The following PAK5 variants were observed in gnomAD, a reference collection of about 807,000 sequenced individuals.
PAK5 encodes p21 (RAC1) activated kinase 5.
PAK5 carries 16 observed loss-of-function variants against 65.9 expected under a neutral mutation model. That is an observed-to-expected ratio of 0.24 (90% CI 0.16 to 0.37). The LOEUF (loss-of-function observed/expected upper bound fraction) is 0.37, where lower values mean the gene tolerates loss of function less well. Among genes scored for constraint, PAK5 ranks in the 10% least tolerant of loss-of-function variants. PAK5 has a pLI of 1.00. For missense variants in PAK5, 785 were observed against 903.9 expected, an observed-to-expected ratio of 0.87 and a Z score of 1.69; for synonymous variants, 371 against 354.9, an observed-to-expected ratio of 1.05 and a Z score of -0.51.
rs2046843683 is a variant in PAK5 at position 9,626,354 on chromosome 20, C to T, written c.204+17771G>A. ...CCATATGCCAAGGTACCCCAGGGAA[C>T]TAACTGCAGCGAACTTACAATGCTG... On this transcript the variant is annotated intron_variant, in intron 3 of 9. Transcript: ENST00000353224. 2.0e-5 allele frequency among the ~76,000 whole-genome samples: 3 copies of T among 152,206 alleles called. No individual in the cohort carries two copies. In the South Asian group the frequency reaches 6.2e-4, roughly 32 times the overall value.
Position 9,569,679 on chromosome 20 carries a change from C to T in PAK5, c.991-3295G>A, listed in dbSNP as rs375976512. Among the ~76,000 whole-genome samples, 8 of 152,216 alleles carry T rather than the reference C, an allele frequency of 5.3e-5. No homozygotes were observed. In the East Asian group the frequency reaches 5.8e-4, roughly 11 times the overall value. The stretch of plus-strand genomic sequence containing the variant: ...GGTGTTTCAAGCTCCTGCCCCACCA[C>T]GATGCATAAGAAGGTAGTCATTCTA... On this transcript the variant is annotated intron_variant, in intron 4 of 9. Coordinates refer to ENST00000353224, the MANE Select transcript of PAK5 (RefSeq NM_177990.4).
intron 2 of PAK5, among the ~76,000 whole-genome samples, chr20:9,692,762 T>G (rs993314803): frequency 1.7e-4 from 26 of 152,118 alleles, no homozygotes; most frequent in Non-Finnish European, 2.9e-4. Flanking sequence ...GGAGGAAGGA[T>G]GTTATCCTAG....
At chr20:9,807,217 T>C (rs2049243453) in intron 1 of PAK5, among the ~76,000 whole-genome samples, 1 of 152,192 alleles carries the variant, frequency 6.6e-6, no homozygotes, top group Non-Finnish European at 1.5e-5. Flanking sequence ...GTTCTGGGGA[T>C]TGAGATGTAG....
intron 1 of PAK5, among the ~76,000 whole-genome samples, chr20:9,762,972 A>G (rs2048716774): frequency 1.3e-5 from 2 of 152,168 alleles, no homozygotes; most frequent in Admixed American, 1.3e-4. Context: ...AACAACATGG[A>G]TGAATCTAGA....
chr20:9,555,774 T>A (rs117780597), intron 7 of PAK5, among the ~76,000 whole-genome samples: 3,159 of 152,280 alleles, frequency 0.021, 51 homozygotes, highest in Non-Finnish European at 0.029. Context: ...AAATATAATA[T>A]AAGCACAGGA....
At chr20:9,746,641 T>C (rs2048511761) in intron 1 of PAK5, among the ~76,000 whole-genome samples, 1 of 152,144 alleles carries the variant, frequency 6.6e-6, no homozygotes, top group South Asian at 2.1e-4. Context: ...GCCACAGTGT[T>C]ATGAGCACCT....
chr20:9,662,875 G>T (rs946614640), intron 2 of PAK5, among the ~76,000 whole-genome samples: 2 of 152,058 alleles, frequency 1.3e-5, no homozygotes, highest in African/African-American at 4.8e-5. Context: ...CTTGCCTAAG[G>T]TCACTCAGCT....
At chr20:9,642,896 A>T (rs2047088227) in intron 3 of PAK5, among the ~76,000 whole-genome samples, 1 of 152,234 alleles carries the variant, frequency 6.6e-6, no homozygotes, top group Non-Finnish European at 1.5e-5. Context: ...ATGCAGAATT[A>T]TAAGACTCTG....
rs1013658968 is a variant in PAK5 at position 9,838,189 on chromosome 20, G to GCA, written c.-162+571_-162+572dup. Among the ~76,000 whole-genome samples, 1 of 130,792 alleles carries GCA rather than the reference G, an allele frequency of 7.6e-6. No homozygotes were observed. Among genetic ancestry groups the GCA allele is most frequent in the Admixed American group, 7.5e-5 (1 of 13,378 alleles). The allele number at this position is 130,792 out of a possible 152,430, so 85.8% of individuals were successfully genotyped here. ...CCATTACAACCCACCAGGCGCGCGC[G>GCA]CACACACACACGCGCGCACACACAC... On this transcript the variant is annotated intron_variant, in intron 1 of 9. Transcript: ENST00000353224. This position sits in a 1 kb window ranked among gnomAD's most constrained non-coding sequence, Gnocchi z 4.5.
intron 2 of PAK5, among the ~76,000 whole-genome samples, chr20:9,677,992 A>G (rs2047597553): frequency 6.6e-6 from 1 of 152,210 alleles, no homozygotes; most frequent in South Asian, 2.1e-4. Context: ...AATTATTCTG[A>G]GAAGGGACCA....
intron 3 of PAK5, among the ~76,000 whole-genome samples, chr20:9,592,447 G>C (rs1045547104): frequency 6.6e-6 from 1 of 152,188 alleles, no homozygotes; most frequent in Non-Finnish European, 1.5e-5. Flanking sequence ...GGGCCCAAGG[G>C]AACTTTCTGG....
chr20:9,663,863 C>T (rs2047378427), intron 2 of PAK5, among the ~76,000 whole-genome samples: 1 of 152,096 alleles, frequency 6.6e-6, no homozygotes, highest in Non-Finnish European at 1.5e-5. Context: ...GCTTTTGTTG[C>T]CTCCCATTTA....
chr20:9,644,251 A>C lies in PAK5; in HGVS notation c.78T>G (p.Asp26Glu). ...GGCCGGTAAACTTCTGCTCTTGTGG[A>C]TCAAACCCAGTATGAACCCTGTGTT... Reference protein sequence around the residue: ...NFEHRVHTGFDPQEQKFTGLP... With the variant: ...NFEHRVHTGFEPQEQKFTGLP... The change falls in exon 3 of 10, where the codon GAT (aspartate) becomes GAG (glutamate). Residue 26 changes from aspartate (D) to glutamate (E), a missense_variant. Transcript: ENST00000353224. 6.2e-7 allele frequency: 1 copy of C among 1,606,416 alleles called. No individual in the cohort carries two copies. The highest frequency in any genetic ancestry group is 8.5e-7 in the Non-Finnish European group (1 of 1,177,486).
intron 5 of PAK5, among the ~76,000 whole-genome samples, chr20:9,564,684 T>C (rs998996371): frequency 6.6e-6 from 1 of 152,108 alleles, no homozygotes; most frequent in Non-Finnish European, 1.5e-5. Context: ...ATCCTACTTC[T>C]AGGAATCTAA....
chr20:9,557,193 T>C (rs1193660424), intron 7 of PAK5, among the ~76,000 whole-genome samples: 1 of 152,146 alleles, frequency 6.6e-6, no homozygotes, highest in East Asian at 1.9e-4. Flanking sequence ...TATTACACCA[T>C]CCTCAAATTA....
At chr20:9,734,047 C>T (rs921329744) in intron 1 of PAK5, among the ~76,000 whole-genome samples, 2 of 152,170 alleles carry the variant, frequency 1.3e-5, no homozygotes, top group Non-Finnish European at 2.9e-5. Flanking sequence ...CTTCCAAAGA[C>T]CATCATAGAG....
chr20:9,809,835 C>T (rs1017776558), intron 1 of PAK5, among the ~76,000 whole-genome samples: 1 of 152,166 alleles, frequency 6.6e-6, no homozygotes, highest in African/African-American at 2.4e-5. Context: ...GAGAATACTA[C>T]TTGAATGGCT....
chr20:9,595,765 G>A (rs1187289210), intron 3 of PAK5, among the ~76,000 whole-genome samples: 1 of 152,038 alleles, frequency 6.6e-6, no homozygotes, highest in Non-Finnish European at 1.5e-5. Context: ...TGTCCCCCTA[G>A]AAAGGCCTCC....
intron 2 of PAK5, among the ~76,000 whole-genome samples, chr20:9,644,769 C>G (rs1444500494): frequency 6.6e-6 from 1 of 152,210 alleles, no homozygotes; most frequent in Non-Finnish European, 1.5e-5. Flanking sequence ...AGGGCAGACA[C>G]AAGCCCAACC....
Sources: allele counts gnomAD v4.1 joint callset (sites outside exome capture counted in the v4.1 genomes callset), GRCh38; gene constraint gnomAD v4.1.1; non-coding constraint Gnocchi (gnomAD v3.1); transcripts MANE v1.5; gene names NCBI Gene and HGNC (gene_info 2026-07-23, HGNC 2026-07-21).